Variants in KIF21A observed in about 807,000 individuals in gnomAD.
KIF21A encodes the protein kinesin-like protein KIF21A.
Under a neutral mutation model 202.9 loss-of-function variants are expected in KIF21A, and 114 were observed. The ratio of observed to expected loss-of-function variants is 0.56; its 90% CI spans 0.48 to 0.66. The LOEUF (loss-of-function observed/expected upper bound fraction) is 0.66. Among genes scored for constraint, KIF21A ranks in the 30% least tolerant of loss-of-function variants. The probability of loss-of-function intolerance (pLI) is 0.00; values close to 1 mark genes in which losing one functional copy is unlikely to be tolerated. For synonymous variants in KIF21A, 667 were observed against 670.8 expected (o/e 0.99, Z 0.09); for missense variants, 1,677 against 1,994.9 (o/e 0.84, Z 3.04).
At chr12:39,344,811 A>C (rs1464904114) in intron 12 of KIF21A, among the ~76,000 whole-genome samples, 1 of 152,196 alleles carries the variant, frequency 6.6e-6, no homozygotes, top group African/African-American at 2.4e-5. Context: ...TAAGTATCTA[A>C]GTAGCAATGG....
intron 20 of KIF21A, 28 bp downstream of exon 20, chr12:39,332,563 G>A: frequency 5.0e-6 from 8 of 1,607,058 alleles, no homozygotes; most frequent in Non-Finnish European, 6.8e-6. Context: ...AGCTAAGGGG[G>A]AGCGTATCTA....
chr12:39,381,294 G>C (rs112976464), intron 1 of KIF21A, among the ~76,000 whole-genome samples: 1 of 144,294 alleles, frequency 6.9e-6, no homozygotes, highest in East Asian at 2.0e-4. Context: ...GCAACTGAGC[G>C]AGACTCTGTC....
At chr12:39,386,552 G>A (rs527415221) in intron 1 of KIF21A, among the ~76,000 whole-genome samples, 54 of 152,300 alleles carry the variant, frequency 3.5e-4, no homozygotes, top group South Asian at 8.3e-4. Flanking sequence ...ATGTGACACT[G>A]ACTTGGAAGT....
intron 1 of KIF21A, among the ~76,000 whole-genome samples, chr12:39,431,529 C>T (rs1292362018): frequency 6.6e-6 from 1 of 152,110 alleles, no homozygotes; most frequent in East Asian, 1.9e-4. Context: ...GTTGGTGGAA[C>T]AAAACTACTG....
At chr12:39,319,306 C>T (rs1480848167) in intron 28 of KIF21A, among the ~76,000 whole-genome samples, 1 of 152,190 alleles carries the variant, frequency 6.6e-6, no homozygotes, top group Non-Finnish European at 1.5e-5. Flanking sequence ...TCAACTTCTG[C>T]ATGCTGTCAT....
At chr12:39,332,504 G>A (rs963671753) in intron 20 of KIF21A, 87 bp downstream of exon 20, 4 of 1,023,754 alleles carry the variant, frequency 3.9e-6, no homozygotes, top group African/African-American at 4.0e-5. Context: ...AACTTGGTAA[G>A]TGTTAAATTT....
intron 7 of KIF21A, among the ~76,000 whole-genome samples, chr12:39,360,219 CTATT>C (rs1284231280): frequency 1.3e-5 from 2 of 151,756 alleles, no homozygotes; most frequent in Non-Finnish European, 2.9e-5. Flanking sequence ...TAAAAAAAAG[CTATT>C]TATTTTAAAA....
At chr12:39,318,333 G>A (rs1944808923) in intron 28 of KIF21A, 132 bp from the exon 29 acceptor site, 10 of 869,070 alleles carry the variant, frequency 1.2e-5, no homozygotes, top group Middle Eastern at 3.0e-4. Flanking sequence ...TTCCTTTTTT[G>A]TAAGATAAAA....
chr12:39,302,894 T>G (rs1943099907), intron 36 of KIF21A, 71 bp downstream of exon 36: 1 of 1,302,302 alleles, frequency 7.7e-7, no homozygotes, highest in African/African-American at 1.5e-5. Flanking sequence ...TAGAAGCTCT[T>G]CAAGTTCTTC....
At chr12:39,432,207 G>C (rs2140366138) in intron 1 of KIF21A, among the ~76,000 whole-genome samples, 1 of 152,260 alleles carries the variant, frequency 6.6e-6, no homozygotes, top group African/African-American at 2.4e-5. Flanking sequence ...ATAATGTGCT[G>C]GGAAATATCT....
intron 1 of KIF21A, among the ~76,000 whole-genome samples, chr12:39,426,828 G>A (rs1954797812): frequency 6.6e-6 from 1 of 150,600 alleles, no homozygotes; most frequent in Admixed American, 6.6e-5. Flanking sequence ...AGATTACAGT[G>A]AGGTGAGATC....
Position 39,341,569 on chromosome 12 carries a change from C to A in KIF21A, c.1857G>T (p.Glu619Asp). 6.2e-7 allele frequency: 1 copy of A among 1,606,784 alleles called. No individual in the cohort carries two copies. Among genetic ancestry groups the A allele is most frequent in the Non-Finnish European group, 8.5e-7 (1 of 1,173,952 alleles). The change falls in exon 14 of 38, where the codon GAG becomes GAT. Residue 619 changes from glutamate to aspartate, a missense_variant. This residue lies in a region of KIF21A where 966 missense variants were observed against 1,180.9 expected (regional missense o/e 0.82). Transcript: ENST00000361418. ...DHEDEEEEEE[E>D]EEDDIDGGES... ...CACCCCCATCAATGTCATCTTCCTC[C>A]TCCTCCTCCTCCTCTTCTTCATCCT...
intron 36 of KIF21A, among the ~76,000 whole-genome samples, chr12:39,302,515 C>A (rs953834444): frequency 1.3e-5 from 2 of 152,172 alleles, no homozygotes; most frequent in African/African-American, 2.4e-5. Context: ...ACCCAACTAT[C>A]ATTTTGTAGG....
chr12:39,319,879 AGCAG>A, intron 28 of KIF21A, 23 bp downstream of exon 28: 1 of 1,262,396 alleles, frequency 7.9e-7, no homozygotes, highest in Non-Finnish European at 1.2e-6. Context: ...AATACAGTCT[AGCAG>A]GTAAAAAACA....
At chr12:39,334,200 CAA>C (rs576176350) in intron 17 of KIF21A, among the ~76,000 whole-genome samples, 8,567 of 63,272 alleles carry the variant, frequency 0.14, 155 homozygotes, top group South Asian at 0.36. Flanking sequence ...GACTCCATCT[CAA>C]AAAAAAAAAA....
At position 39,367,919 on chromosome 12, in the gene KIF21A, C is replaced by T; in HGVS notation, c.564G>A (p.Val188=). 6.2e-7 allele frequency: 1 copy of T among 1,609,758 alleles called. No individual in the cohort carries two copies. The highest frequency in any genetic ancestry group is 1.1e-5 in the South Asian group (1 of 90,964). The change falls in exon 4 of 38, where the codon GTG becomes GTA. Residue 188 remains valine, a synonymous_variant. Transcript: ENST00000361418. ...TATTCACAGTACGTGTTGTAACGCC[C>T]ACAGTATAAATTCCTCCAGTTGAAT... is the stretch of plus-strand genomic sequence containing the variant. The part of the protein sequence containing the change: ...HEDSTGGIYT[V]GVTTRTVNTE...
At chr12:39,350,603 T>C (rs1418230092) in intron 11 of KIF21A, among the ~76,000 whole-genome samples, 5 of 151,984 alleles carry the variant, frequency 3.3e-5, no homozygotes, top group Non-Finnish European at 5.9e-5. Context: ...TCAGTTTCAA[T>C]TGCCCTCCAT....
intron 1 of KIF21A, among the ~76,000 whole-genome samples, chr12:39,436,900 TA>T (rs1566400746): frequency 6.6e-6 from 1 of 152,164 alleles, no homozygotes; most frequent in African/African-American, 2.4e-5. Context: ...TTATTTTGAA[TA>T]AAATTGTTCT....
chr12:39,301,430 A>C (rs774629885), intron 37 of KIF21A, 50 bp downstream of exon 37: 2 of 1,354,538 alleles, frequency 1.5e-6, no homozygotes, highest in Non-Finnish European at 2.1e-6. Flanking sequence ...TATTTATTAA[A>C]TCTGAACAGA....
Sources: gnomAD v4.1 joint callset for allele counts (sites outside exome capture counted in the v4.1 genomes callset) on GRCh38, gnomAD v4.1.1 for gene constraint, gnomAD v4.1.1 regional missense constraint, MANE v1.5 for transcripts, NCBI Gene and HGNC (gene_info 2026-07-23, HGNC 2026-07-21) for gene names.